DNAJC13: variants seen among roughly 807,000 people sequenced by gnomAD.
The protein encoded by DNAJC13 is DnaJ heat shock protein family (Hsp40) member C13, also known as dnaJ homolog subfamily C member 13.
In DNAJC13, 75 loss-of-function variants were observed where a neutral mutation model predicts 290.5. The ratio of observed to expected loss-of-function variants is 0.26; its 90% CI spans 0.21 to 0.31. The LOEUF is 0.31. Among genes scored for constraint, DNAJC13 ranks in the 10% least tolerant of loss-of-function variants. The pLI, the probability that DNAJC13 is intolerant of heterozygous loss-of-function variation, is 1.00. For missense variants in DNAJC13, 2,260 were observed against 2,674.5 expected, an observed-to-expected ratio of 0.85 and a Z score of 3.42; for synonymous variants, 862 against 892.0, an observed-to-expected ratio of 0.97 and a Z score of 0.60.
At chr3:132,523,438 T>C (rs935780743) in intron 50 of DNAJC13, 102 bp from the exon 51 acceptor site, 1 of 1,359,338 alleles carries the variant, frequency 7.4e-7, no homozygotes, top group African/African-American at 1.5e-5. Context: ...ATTATGGCTG[T>C]TTGTGGACTG....
chr3:132,422,922 C>T (rs1938999128), intron 1 of DNAJC13, among the ~76,000 whole-genome samples: 1 of 152,216 alleles, frequency 6.6e-6, no homozygotes, highest in Admixed American at 6.5e-5. Flanking sequence ...ATATTTAGCA[C>T]ATGCCCAGTG....
intron 30 of DNAJC13, 91 bp from the exon 31 acceptor site, chr3:132,488,885 T>G: frequency 1.1e-6 from 1 of 904,830 alleles, no homozygotes; most frequent in Admixed American, 2.5e-5. Context: ...TGAGTTTTAT[T>G]TAGCTATAAA....
rs1446690472 is a variant in DNAJC13, at chr3:132,447,300, CA to C, written c.145-17del. ...TTTACTGTATTATAGTAGCACCAGT[CA>C]AAATTTTTTTTTTTTTAAGTGGCCT... On this transcript the variant is annotated intron_variant, in intron 3 of 55. Coordinates refer to ENST00000260818, the MANE Select transcript of DNAJC13 (RefSeq NM_015268.4). The C allele has an allele frequency of 1.6e-5, 24 of 1,504,010 alleles. No individual in the cohort carries two copies. Among genetic ancestry groups the C allele is most frequent in the Middle Eastern group, 1.8e-4 (1 of 5,658 alleles). 93.2% of individuals were successfully genotyped at this position (1,504,010 alleles called of 1,614,324 possible). A position where few individuals can be genotyped will look rare whatever the true frequency, so the allele number is the denominator to read the frequency against.
chr3:132,538,375 C>A lies in DNAJC13; in HGVS notation c.*93C>A. 1 of 917,772 alleles carries A rather than the reference C, an allele frequency of 1.1e-6. No individual in the cohort carries two copies. The allele number at this position is 917,772 out of a possible 1,614,324, so 56.9% of individuals were successfully genotyped here. ...TGAAGCAAACTCTTACTGCCTTTCT[C>A]CTGGTTTCATGACAGTGTTATTCCT... is the stretch of plus-strand genomic sequence containing the variant. On this transcript the variant is annotated 3_prime_UTR_variant, in exon 56 of 56. Transcript: ENST00000260818.
At chr3:132,466,264 T>C in intron 18 of DNAJC13, 35 bp from the exon 19 acceptor site, 1 of 1,559,884 alleles carries the variant, frequency 6.4e-7, no homozygotes, top group Non-Finnish European at 8.6e-7. Context: ...ATTTTCTTTT[T>C]CACATTGTTT....
chr3:132,418,306 GGCA>G (rs1938858008), intron 1 of DNAJC13, among the ~76,000 whole-genome samples: 1 of 152,166 alleles, frequency 6.6e-6, no homozygotes, highest in Non-Finnish European at 1.5e-5. Flanking sequence ...CTTCCTGCAA[GGCA>G]GCTTATTCAC....
At chr3:132,480,581 T>C (rs1030811923) in intron 26 of DNAJC13, 111 bp downstream of exon 26, 51 of 748,072 alleles carry the variant, frequency 6.8e-5, no homozygotes, top group Non-Finnish European at 1.0e-4. Flanking sequence ...ATTTTTCCAG[T>C]AATTACAGTA....
intron 1 of DNAJC13, among the ~76,000 whole-genome samples, chr3:132,419,497 T>C (rs1039755174): frequency 6.6e-6 from 1 of 152,232 alleles, no homozygotes; most frequent in African/African-American, 2.4e-5. Flanking sequence ...GTAACAATAC[T>C]GGCTTTATTA....
intron 20 of DNAJC13, among the ~76,000 whole-genome samples, chr3:132,471,331 C>T (rs1172579785): frequency 4.9e-5 from 7 of 142,718 alleles, no homozygotes; most frequent in South Asian, 2.3e-4. Flanking sequence ...GGCGGCTGGC[C>T]GGGCGGGGGG....
chr3:132,491,746 A>T (rs376084699), intron 32 of DNAJC13, among the ~76,000 whole-genome samples: 1 of 152,116 alleles, frequency 6.6e-6, no homozygotes, highest in African/African-American at 2.4e-5. Flanking sequence ...TAGATCTTCT[A>T]TGTCAATTAC....
intron 19 of DNAJC13, 49 bp downstream of exon 19, chr3:132,466,443 T>TTA (rs750265596): frequency 7.0e-6 from 10 of 1,425,100 alleles, no homozygotes; most frequent in South Asian, 1.6e-5. Context: ...AAGGGTACTG[T>TTA]TATATATATG....
rs1933881941 is a variant in DNAJC13, at chr3:132,463,656, G to A, written c.1771-40G>A. On this transcript the variant is annotated intron_variant, in intron 16 of 55. Coordinates refer to ENST00000260818, the MANE Select transcript of DNAJC13 (RefSeq NM_015268.4). The stretch of plus-strand genomic sequence containing the variant: ...TTTTAAAGTTTGGATAGCTTGTCCT[G>A]GATTGCCACCTTAGGGATCATCTTA... 1.1e-5 allele frequency: 17 copies of A among 1,577,490 alleles called. No homozygotes were observed. In the South Asian group the frequency reaches 2.0e-4, roughly 19 times the overall value.
At chr3:132,456,062 G>C (rs1017215799) in intron 9 of DNAJC13, among the ~76,000 whole-genome samples, 173 bp from the exon 10 acceptor site, 1 of 152,102 alleles carries the variant, frequency 6.6e-6, no homozygotes, top group African/African-American at 2.4e-5. Flanking sequence ...GTAGCAGCAC[G>C]GTGAAGAGCT....
intron 48 of DNAJC13, among the ~76,000 whole-genome samples, chr3:132,520,868 T>TA (rs1188079508): frequency 2.0e-5 from 3 of 152,320 alleles, no homozygotes; most frequent in South Asian, 4.1e-4. Context: ...AGTTCACTTC[T>TA]AAAAAAGGTT....
chr3:132,475,530 G>T (rs1559886693), intron 22 of DNAJC13, among the ~76,000 whole-genome samples: 1 of 152,046 alleles, frequency 6.6e-6, no homozygotes, highest in Non-Finnish European at 1.5e-5. Context: ...AAGAAAGATG[G>T]TGGTAGTAGG....
intron 53 of DNAJC13, among the ~76,000 whole-genome samples, chr3:132,526,702 G>A (rs2107749072): frequency 6.6e-6 from 1 of 152,294 alleles, no homozygotes; most frequent in African/African-American, 2.4e-5. Context: ...CTTAAGTCAT[G>A]TTTAAGAAAC....
chr3:132,511,329 CA>C (rs1935774444), intron 44 of DNAJC13, 85 bp downstream of exon 44: 1 of 1,465,450 alleles, frequency 6.8e-7, no homozygotes, highest in Non-Finnish European at 9.3e-7. Flanking sequence ...CAGGGAAACT[CA>C]GGGAAAATTA....
At position 132,453,435 on chromosome 3, in the gene DNAJC13, A is replaced by G; in HGVS notation, c.675A>G (p.Lys225=). The G allele has an allele frequency of 6.2e-7, 1 of 1,614,018 alleles. No individual in the cohort carries two copies. Among genetic ancestry groups the G allele is most frequent in the Non-Finnish European group, 8.5e-7 (1 of 1,179,936 alleles). ...FEQYLNLRFG[K]YSTDESITSL... is the part of the protein sequence containing the mutation. The stretch of plus-strand genomic sequence containing the variant: ...AATATTTGAATCTTCGCTTTGGAAA[A>G]TACAGCACTGATGAATCCATCACAT... The change falls in exon 7 of 56, where the codon AAA becomes AAG. Residue 225 remains lysine (K), a synonymous_variant. Transcript: ENST00000260818.
rs1012972865 is a variant in DNAJC13, at chr3:132,537,052, C to T, written c.6626-1124C>T. 2.0e-5 allele frequency: 9 copies of T among 449,568 alleles called. No individual in the cohort carries two copies. In the Admixed American group the frequency reaches 2.1e-4, roughly 11 times the overall value. 27.8% of individuals were successfully genotyped at this position (449,568 alleles called of 1,614,324 possible). The stretch of plus-strand genomic sequence containing the variant: ...AAAACAAGATGAATCTGAATGGTGG[C>T]CTTTTTGTCCTCCACCAATCCCTGT... On this transcript the variant is annotated intron_variant, in intron 55 of 55. Transcript: ENST00000260818.
Sources: gnomAD v4.1 joint callset for allele counts (sites outside exome capture counted in the v4.1 genomes callset) on GRCh38, gnomAD v4.1.1 for gene constraint, MANE v1.5 for transcripts, NCBI Gene and HGNC (gene_info 2026-07-23, HGNC 2026-07-21) for gene names.